RASGRF2: variants seen among roughly 807,000 people sequenced by gnomAD.
RASGRF2 encodes the protein Ras protein specific guanine nucleotide releasing factor 2.
In RASGRF2, 76 loss-of-function variants were observed where a neutral mutation model predicts 151.0. The observed-to-expected ratio is 0.50, with a 90% CI of 0.42 to 0.61. The LOEUF (loss-of-function observed/expected upper bound fraction) is 0.61, where lower values mean the gene tolerates loss of function less well. RASGRF2 is among the 20% of genes least tolerant of loss of function. The probability of loss-of-function intolerance (pLI) is 0.00; values close to 1 mark genes in which losing one functional copy is unlikely to be tolerated. For synonymous variants in RASGRF2, 504 were observed against 566.5 expected, an observed-to-expected ratio of 0.89 and a Z score of 1.57; for missense variants, 1,148 against 1,564.6, an observed-to-expected ratio of 0.73 and a Z score of 4.49.
At chr5:81,000,738 A>G (rs1749053852) in intron 1 of RASGRF2, among the ~76,000 whole-genome samples, 1 of 152,164 alleles carries the variant, frequency 6.6e-6, no homozygotes, top group South Asian at 2.1e-4. Context: ...AGCGAGTTTC[A>G]CAGGGTGCAT....
chr5:81,030,623 C>A (rs945865443), intron 1 of RASGRF2, among the ~76,000 whole-genome samples: 32 of 152,120 alleles, frequency 2.1e-4, no homozygotes, highest in Non-Finnish European at 3.5e-4. Flanking sequence ...CACCACCAGA[C>A]CTGCCTTACA....
At chr5:81,032,609 A>T (rs1213397842) in intron 1 of RASGRF2, among the ~76,000 whole-genome samples, 4 of 152,230 alleles carry the variant, frequency 2.6e-5, no homozygotes, top group East Asian at 1.9e-4. Context: ...CTTCATGCTA[A>T]AAACTCTCAA....
intron 17 of RASGRF2, among the ~76,000 whole-genome samples, chr5:81,134,558 A>G (rs1580348428): frequency 6.6e-6 from 1 of 152,098 alleles, no homozygotes; most frequent in African/African-American, 2.4e-5. Context: ...TTCCTACTGA[A>G]TCAGCATTTC....
Position 81,022,483 on chromosome 5 carries a change from G to A in RASGRF2, c.289-20394G>A, listed in dbSNP as rs1580214540. ...TTGGGGTGGAGCAAGAGGACATTGT[G>A]TGAGAGGATGTCCTCCAGAGCCCCT... On this transcript the variant is annotated intron_variant, in intron 1 of 26. Coordinates refer to ENST00000265080, the MANE Select transcript of RASGRF2 (RefSeq NM_006909.3). Among the ~76,000 whole-genome samples the A allele has an allele frequency of 2.0e-5, 3 of 152,320 alleles. No individual in the cohort carries two copies. In the South Asian group the frequency reaches 6.2e-4, roughly 32 times the overall value.
chr5:81,049,978 C>T (rs766498396), intron 2 of RASGRF2, among the ~76,000 whole-genome samples: 45 of 152,188 alleles, frequency 3.0e-4, no homozygotes, highest in Non-Finnish European at 5.1e-4. Context: ...TCATGTATTT[C>T]TCTAGGCAGC....
chr5:81,207,205 C>G, intron 20 of RASGRF2, 41 bp from the exon 21 acceptor site: 1 of 1,568,390 alleles, frequency 6.4e-7, no homozygotes, highest in Non-Finnish European at 8.8e-7. Context: ...TGGCAGGCGC[C>G]CTCTCCTGGG....
intron 9 of RASGRF2, among the ~76,000 whole-genome samples, chr5:81,089,618 A>T (rs1006983215): frequency 6.6e-6 from 1 of 152,208 alleles, no homozygotes; most frequent in Non-Finnish European, 1.5e-5. Context: ...AAATCTATTA[A>T]TAGTTTGTTG....
chr5:81,103,276 C>T (rs1205965188), intron 12 of RASGRF2, among the ~76,000 whole-genome samples: 1 of 151,408 alleles, frequency 6.6e-6, no homozygotes, highest in Non-Finnish European at 1.5e-5. Context: ...GGTTCTATAC[C>T]TATATATAGG....
intron 12 of RASGRF2, among the ~76,000 whole-genome samples, chr5:81,106,654 A>T (rs993571844): frequency 6.6e-6 from 1 of 151,924 alleles, no homozygotes; most frequent in African/African-American, 2.4e-5. Flanking sequence ...CTTGATGTGT[A>T]TTTTCATCAG....
At chr5:81,067,844 G>GATTATTT (rs879471206) in intron 2 of RASGRF2, among the ~76,000 whole-genome samples, 188 bp from the exon 3 acceptor site, 1 of 152,158 alleles carries the variant, frequency 6.6e-6, no homozygotes, top group Non-Finnish European at 1.5e-5. Flanking sequence ...TATGTAAAAT[G>GATTATTT]ATTATTTAAA....
intron 17 of RASGRF2, among the ~76,000 whole-genome samples, chr5:81,159,571 A>G (rs1465036468): frequency 6.6e-6 from 1 of 152,208 alleles, no homozygotes; most frequent in Non-Finnish European, 1.5e-5. Flanking sequence ...GGGTGGGAAC[A>G]GGGATTGACT....
intron 2 of RASGRF2, among the ~76,000 whole-genome samples, chr5:81,058,622 T>G (rs925972078): frequency 6.6e-6 from 1 of 151,846 alleles, no homozygotes; most frequent in South Asian, 2.1e-4. Context: ...CTGGGCAACA[T>G]AGTGAGACCT....
chr5:81,209,664 C>T (rs1482191398), intron 22 of RASGRF2, among the ~76,000 whole-genome samples: 1 of 152,184 alleles, frequency 6.6e-6, no homozygotes, highest in Non-Finnish European at 1.5e-5. Flanking sequence ...AACAGATTCC[C>T]TGCTGTGGGA....
chr5:81,173,528 T>C (rs1220122957), intron 17 of RASGRF2, among the ~76,000 whole-genome samples: 1 of 152,214 alleles, frequency 6.6e-6, no homozygotes, highest in Non-Finnish European at 1.5e-5. Context: ...CCAGAAACAG[T>C]ATGTCAATTC....
chr5:81,098,871 A>G (rs1290190993), intron 12 of RASGRF2, among the ~76,000 whole-genome samples: 2 of 152,236 alleles, frequency 1.3e-5, no homozygotes, highest in Admixed American at 1.3e-4. Context: ...GGACATATCC[A>G]TTATTAATAA....
chr5:81,007,116 T>A (rs1749296201), intron 1 of RASGRF2, among the ~76,000 whole-genome samples: 1 of 152,194 alleles, frequency 6.6e-6, no homozygotes, highest in Non-Finnish European at 1.5e-5. Flanking sequence ...CATTTATAAA[T>A]GTGTATATGC....
chr5:81,009,408 C>A (rs576105704), intron 1 of RASGRF2, among the ~76,000 whole-genome samples: 1 of 152,272 alleles, frequency 6.6e-6, no homozygotes, highest in African/African-American at 2.4e-5. Context: ...CATATGGGGC[C>A]ACTCAGTCGC....
chr5:81,055,415 A>G (rs1324986431), intron 2 of RASGRF2, among the ~76,000 whole-genome samples: 1 of 152,152 alleles, frequency 6.6e-6, no homozygotes, highest in African/African-American at 2.4e-5. Flanking sequence ...TTCTGTTTAT[A>G]TGCTGGATTA....
At chr5:81,098,164 G>C (rs182185955) in intron 12 of RASGRF2, among the ~76,000 whole-genome samples, 5 of 152,312 alleles carry the variant, frequency 3.3e-5, no homozygotes, top group African/African-American at 1.2e-4. Flanking sequence ...GAGAGTAAAA[G>C]GGTGAAGGAT....
Sources: allele counts gnomAD v4.1 joint callset (sites outside exome capture counted in the v4.1 genomes callset), GRCh38; gene constraint gnomAD v4.1.1; transcripts MANE v1.5; gene names NCBI Gene and HGNC (gene_info 2026-07-23, HGNC 2026-07-21).